The following ATP9B variants were observed in gnomAD, a reference collection of about 807,000 sequenced individuals.
ATP9B encodes the protein ATPase phospholipid transporting 9B, also known as probable phospholipid-transporting ATPase IIB.
ATP9B carries 110 observed loss-of-function variants against 146.1 expected under a neutral mutation model. The ratio of observed to expected loss-of-function variants is 0.75; its 90% CI spans 0.65 to 0.88. The LOEUF is 0.88. ATP9B is among the 40% of genes least tolerant of loss of function. ATP9B has a pLI of 0.00. For missense variants in ATP9B, 1,499 were observed against 1,496.4 expected (o/e 1.00, Z -0.03); for synonymous variants, 604 against 569.7 (o/e 1.06, Z -0.86).
intron 11 of ATP9B, among the ~76,000 whole-genome samples, chr18:79,244,519 ACATTAGAAG>A (rs1485665013): frequency 6.6e-6 from 1 of 152,210 alleles, no homozygotes; most frequent in Admixed American, 6.5e-5. Context: ...GAATACTGTG[ACATTAGAAG>A]CCCTGACCAC....
Position 79,069,520 on chromosome 18 carries a change from G to C in ATP9B, c.110G>C (p.Arg37Pro), listed in dbSNP as rs570030389. Residue 37 changes from arginine (R) to proline (P), a missense_variant, in exon 1 of 30, where the codon CGG (arginine) becomes CCG (proline). By Grantham distance (103) the Arg-to-Pro change is moderately radical. Transcript: ENST00000426216. ...SAAGPRPGAD[R>P]HSRYQLEDES... Reference sequence around the variant, plus strand: ...GCGGGGCCCAGGCCGGGAGCCGACCGGCACAGCAGGTAACCGAGGCGGCAC... The same window carrying C: ...GCGGGGCCCAGGCCGGGAGCCGACCCGCACAGCAGGTAACCGAGGCGGCAC... The C allele has an allele frequency of 1.4e-6, 2 of 1,401,102 alleles. No homozygotes were observed. Among genetic ancestry groups the C allele is most frequent in the South Asian group, 1.5e-5 (1 of 65,286 alleles). 86.8% of individuals were successfully genotyped at this position (1,401,102 alleles called of 1,614,324 possible).
In ATP9B at chr18:79,259,625, C is replaced by T. The variant is rs116479698; in HGVS notation, c.1268+6084C>T. Among the ~76,000 whole-genome samples the T allele has an allele frequency of 7.9e-3, 1,197 of 152,244 alleles. 22 individuals are homozygous for T. The highest frequency in any genetic ancestry group is 0.028 in the African/African-American group (1,150 of 41,524). ...AGGGTCTAGCCTCCAACCCAGTGAG[C>T]GTGGGGATGCTTGCCTGTGCGCTTC... On this transcript the variant is annotated intron_variant, in intron 12 of 29. Coordinates refer to ENST00000426216, the MANE Select transcript of ATP9B (RefSeq NM_198531.5).
chr18:79,214,261 A>T (rs186776901), intron 11 of ATP9B, among the ~76,000 whole-genome samples: 1 of 152,138 alleles, frequency 6.6e-6, no homozygotes, highest in Non-Finnish European at 1.5e-5. Flanking sequence ...TCAGTTTTAT[A>T]TGTGTCTTAA....
At chr18:79,078,207 C>G (rs1463722324) in intron 1 of ATP9B, 3 of 152,208 alleles carry the variant, frequency 2.0e-5, no homozygotes, top group African/African-American at 7.2e-5. Context: ...ATAGCAATTA[C>G]TATCAAAAAT....
intron 4 of ATP9B, among the ~76,000 whole-genome samples, chr18:79,119,815 C>T (rs2094157307): frequency 6.6e-6 from 1 of 152,256 alleles, no homozygotes; most frequent in Middle Eastern, 3.4e-3. Flanking sequence ...TGCATCTTAA[C>T]CTTTGATTGA....
At chr18:79,090,027 A>G (rs2074188303) in intron 1 of ATP9B, among the ~76,000 whole-genome samples, 2 of 152,088 alleles carry the variant, frequency 1.3e-5, no homozygotes, top group African/African-American at 2.4e-5. Context: ...TGTGATATTT[A>G]TCTTTCTGTA....
intron 15 of ATP9B, among the ~76,000 whole-genome samples, chr18:79,315,488 A>G (rs763504264): frequency 3.9e-5 from 6 of 152,264 alleles, no homozygotes; most frequent in Non-Finnish European, 5.9e-5. Flanking sequence ...AATAACCACA[A>G]TCAAAAATGA....
At chr18:79,319,679 A>G (rs1364047067) in intron 15 of ATP9B, among the ~76,000 whole-genome samples, 1 of 152,214 alleles carries the variant, frequency 6.6e-6, no homozygotes, top group Non-Finnish European at 1.5e-5. Flanking sequence ...GGCCTGAAGA[A>G]TATCTGTACC....
At chr18:79,078,885 C>T (rs1240026019) in intron 1 of ATP9B, among the ~76,000 whole-genome samples, 3 of 152,166 alleles carry the variant, frequency 2.0e-5, no homozygotes, top group African/African-American at 7.2e-5. Flanking sequence ...TTGTTCAACT[C>T]CCATTTATGA....
Position 79,267,406 on chromosome 18 carries a change from C to T in ATP9B, c.1269-9648C>T, listed in dbSNP as rs147155998. On this transcript the variant is annotated intron_variant, in intron 12 of 29. Coordinates refer to ENST00000426216, the MANE Select transcript of ATP9B (RefSeq NM_198531.5). The stretch of plus-strand genomic sequence containing the variant: ...ATTCTTTGAGCTGTGTATTATTTTC[C>T]TATTTCATTAATGTTTTCTTACTTA... Among the ~76,000 whole-genome samples, 9 of 152,002 alleles carry T rather than the reference C, an allele frequency of 5.9e-5. No individual in the cohort carries two copies. In the East Asian group the frequency reaches 1.7e-3, roughly 29 times the overall value.
intron 1 of ATP9B, among the ~76,000 whole-genome samples, chr18:79,082,101 A>G (rs529196803): frequency 1.3e-5 from 2 of 152,040 alleles, no homozygotes; most frequent in Non-Finnish European, 1.5e-5. Flanking sequence ...GGCTTTGTTC[A>G]TTCCTTTTCA....
intron 11 of ATP9B, among the ~76,000 whole-genome samples, chr18:79,242,029 C>T (rs190529498): frequency 3.0e-4 from 45 of 152,310 alleles, no homozygotes; most frequent in African/African-American, 9.1e-4. Flanking sequence ...GAGGGAGCAC[C>T]GCCGTGGGCC....
intron 15 of ATP9B, among the ~76,000 whole-genome samples, chr18:79,319,425 G>T (rs757302302): frequency 2.0e-5 from 3 of 151,684 alleles, no homozygotes; most frequent in African/African-American, 7.3e-5. Context: ...CCTGGCTAAC[G>T]TGAGTGAATA....
intron 21 of ATP9B, among the ~76,000 whole-genome samples, 157 bp from the exon 22 acceptor site, chr18:79,345,265 CCCCTGT>C (rs1482365410): frequency 1.3e-5 from 2 of 152,156 alleles, no homozygotes; most frequent in Non-Finnish European, 2.9e-5. Context: ...TTTTTATTTT[CCCCTGT>C]CCGTGAGTCC....
chr18:79,118,390 G>GTTTTTTTTTTTTTTTTTTTTTTTTTT (rs752788043), intron 4 of ATP9B, among the ~76,000 whole-genome samples: 1 of 93,238 alleles, frequency 1.1e-5, no homozygotes. Flanking sequence ...GAACGTTTTT[G>GTTTTTTTTTTTTTTTTTTTTTTTTTT]TTTTTTTTTT....
At chr18:79,153,253 A>G (rs562151265) in intron 6 of ATP9B, among the ~76,000 whole-genome samples, 1 of 152,324 alleles carries the variant, frequency 6.6e-6, no homozygotes, top group Non-Finnish European at 1.5e-5. Context: ...TCTTAATACA[A>G]TTATATATTT....
At chr18:79,074,860 T>G (rs182840782) in intron 1 of ATP9B, among the ~76,000 whole-genome samples, 1 of 152,358 alleles carries the variant, frequency 6.6e-6, no homozygotes, top group East Asian at 1.9e-4. Flanking sequence ...TTTCTGAAGT[T>G]GGGTTTTATT....
At chr18:79,147,602 A>C (rs1451371673) in intron 6 of ATP9B, among the ~76,000 whole-genome samples, 1 of 152,176 alleles carries the variant, frequency 6.6e-6, no homozygotes, top group Non-Finnish European at 1.5e-5. Flanking sequence ...GGTAGTCTCA[A>C]GGAAACAATA....
At chr18:79,326,951 G>T (rs866365629) in intron 15 of ATP9B, among the ~76,000 whole-genome samples, 8 of 152,246 alleles carry the variant, frequency 5.3e-5, no homozygotes, top group African/African-American at 1.9e-4. Context: ...GTGGTGCCTC[G>T]GCACGGCCAT....
Sources: allele counts gnomAD v4.1 joint callset (sites outside exome capture counted in the v4.1 genomes callset), GRCh38; gene constraint gnomAD v4.1.1; transcripts MANE v1.5; gene names NCBI Gene and HGNC (gene_info 2026-07-23, HGNC 2026-07-21).